Variants in TMEM181 observed in about 807,000 individuals in gnomAD.
TMEM181 encodes transmembrane protein 181.
In TMEM181, 39 loss-of-function variants were observed where a neutral mutation model predicts 71.9. The ratio of observed to expected loss-of-function variants is 0.54; its 90% CI spans 0.42 to 0.71. The LOEUF (loss-of-function observed/expected upper bound fraction) is 0.71, where lower values mean the gene tolerates loss of function less well. Among genes scored for constraint, TMEM181 ranks in the 30% least tolerant of loss-of-function variants. The probability of loss-of-function intolerance (pLI) is 0.00; values close to 1 mark genes in which losing one functional copy is unlikely to be tolerated. For synonymous variants in TMEM181, 245 were observed against 228.8 expected (o/e 1.07, Z -0.64); for missense variants, 595 against 583.0 (o/e 1.02, Z -0.21).
intron 5 of TMEM181, among the ~76,000 whole-genome samples, chr6:158,588,772 C>T (rs1254622133): frequency 3.9e-5 from 6 of 152,194 alleles, no homozygotes; most frequent in African/African-American, 1.4e-4. Flanking sequence ...TTTAAGCCTG[C>T]TGTGTAAAAC....
chr6:158,548,100 C>G lies in TMEM181; in HGVS notation c.131+11235C>G, dbSNP rs563002469. On this transcript the variant is annotated intron_variant, in intron 1 of 16. Coordinates refer to the TMEM181 transcript ENST00000367090. ...GCTGCTTGAGGGCCAGGTAACATCA[C>G]CTGGATGTGTAGGTCAGACTTTGGC... 5.9e-5 allele frequency among the ~76,000 whole-genome samples: 9 copies of G among 152,196 alleles called. No individual in the cohort carries two copies. The South Asian group carries it at 1.9e-3, about 32-fold the overall frequency.
chr6:158,612,563 T>C (rs1785393836), intron 10 of TMEM181, among the ~76,000 whole-genome samples: 1 of 152,258 alleles, frequency 6.6e-6, no homozygotes, highest in Admixed American at 6.5e-5. Context: ...TGACCCATGG[T>C]ATGCTTTTTG....
At chr6:158,585,782 T>C (rs529475257) in intron 5 of TMEM181, among the ~76,000 whole-genome samples, 1 of 152,310 alleles carries the variant, frequency 6.6e-6, no homozygotes, top group Admixed American at 6.5e-5. Context: ...ATGGGCTGCC[T>C]CCTCATACGA....
chr6:158,608,363 A>G lies in TMEM181; in HGVS notation c.704A>G (p.Asn235Ser). 1 of 1,614,186 alleles carries G rather than the reference A, an allele frequency of 6.2e-7. No individual in the cohort carries two copies. The change falls in exon 9 of 17, where the codon AAC becomes AGC. Residue 235 changes from asparagine to serine, a missense_variant. Transcript: ENST00000684151. Reference protein sequence around the residue: ...DPFFPLSFLVNSWLPGMLDDL... With the variant: ...DPFFPLSFLVSSWLPGMLDDL... ...TTCTTCCCCCTCTCCTTCCTGGTCA[A>G]CAGCTGGCTCCCAGGGATGCTGGAT... is the stretch of plus-strand genomic sequence containing the variant.
rs759470716 is a variant in TMEM181 at position 158,607,278 on chromosome 6, T to C, written c.608T>C (p.Met203Thr). Residue 203 changes from methionine to threonine, a missense_variant, in exon 8 of 17, where the codon ATG (methionine) becomes ACG (threonine). By Grantham distance (81) the Met-to-Thr change is moderately conservative (BLOSUM62 -1). Coordinates refer to ENST00000684151, the MANE Select transcript of TMEM181 (RefSeq NM_001376852.1). Reference sequence around the variant, plus strand: ...GCGCATTCCCTCCGGAAATTTTCCATGAGAGACTGGGGCATCGAGCAGAAG... The same window carrying C: ...GCGCATTCCCTCCGGAAATTTTCCACGAGAGACTGGGGCATCGAGCAGAAG... ...LFAHSLRKFSMRDWGIEQKWM... is the reference protein window; with the variant it reads ...LFAHSLRKFSTRDWGIEQKWM... The C allele has an allele frequency of 1.5e-5, 25 of 1,614,110 alleles. No individual in the cohort carries two copies. The East Asian group carries it at 1.8e-4, about 12-fold the overall frequency.
intron 8 of TMEM181, 53 bp from the exon 9 acceptor site, chr6:158,608,280 C>A: frequency 1.2e-6 from 2 of 1,610,358 alleles, no homozygotes; most frequent in Non-Finnish European, 1.7e-6. Flanking sequence ...GTGCTGTCTG[C>A]CAGGTGCTGG....
intron 3 of TMEM181, among the ~76,000 whole-genome samples, chr6:158,582,065 A>G (rs1375552392): frequency 6.6e-6 from 1 of 152,170 alleles, no homozygotes; most frequent in African/African-American, 2.4e-5. Context: ...AAAGAAGAAA[A>G]AGTACTAAAA....
intron 1 of TMEM181, among the ~76,000 whole-genome samples, chr6:158,570,884 T>A (rs1415576348): frequency 1.1e-4 from 16 of 151,928 alleles, no homozygotes; most frequent in Non-Finnish European, 2.4e-4. Context: ...TGTAGGAATC[T>A]TCCATTCTGC....
intron 2 of TMEM181, among the ~76,000 whole-genome samples, chr6:158,576,311 G>A (rs1285015075): frequency 6.6e-6 from 1 of 152,170 alleles, no homozygotes; most frequent in Non-Finnish European, 1.5e-5. Context: ...AAAGGACCCT[G>A]TCCTCCAGAT....
At chr6:158,625,623 A>G in intron 12 of TMEM181, 80 bp from the exon 13 acceptor site, 3 of 1,313,588 alleles carry the variant, frequency 2.3e-6, no homozygotes, top group Non-Finnish European at 3.2e-6. Flanking sequence ...GCTTTGCTTA[A>G]TTTTTGTTTT....
intron 1 of TMEM181, chr6:158,572,275 G>A: frequency 2.5e-6 from 1 of 392,398 alleles, no homozygotes; most frequent in South Asian, 1.9e-5. Context: ...TTTGGACCGT[G>A]AAGCCAGTAA....
intron 11 of TMEM181, among the ~76,000 whole-genome samples, chr6:158,624,261 C>T (rs1786139262): frequency 1.3e-5 from 2 of 152,350 alleles, no homozygotes; most frequent in South Asian, 2.1e-4. Context: ...AGAGCCTTCT[C>T]GGTGCTAAAC....
At chr6:158,564,393 G>A (rs966610891) in intron 1 of TMEM181, among the ~76,000 whole-genome samples, 3 of 152,152 alleles carry the variant, frequency 2.0e-5, no homozygotes, top group Non-Finnish European at 4.4e-5. Flanking sequence ...CTGTGAAATG[G>A]GCCGATGTGC....
At chr6:158,564,369 C>T (rs558925862) in intron 1 of TMEM181, among the ~76,000 whole-genome samples, 1 of 152,302 alleles carries the variant, frequency 6.6e-6, no homozygotes, top group East Asian at 1.9e-4. Context: ...TCACCCCAGC[C>T]TGTGTTTTCC....
chr6:158,557,329 G>A (rs7770117), upstream of TMEM181, among the ~76,000 whole-genome samples: 1,003 of 148,708 alleles, frequency 6.7e-3, 14 homozygotes, highest in African/African-American at 0.024. Flanking sequence ...CCGAGATTGC[G>A]CCACTGCATT....
chr6:158,593,644 G>T (rs952033757), intron 6 of TMEM181, among the ~76,000 whole-genome samples: 1 of 152,212 alleles, frequency 6.6e-6, no homozygotes, highest in Non-Finnish European at 1.5e-5. Flanking sequence ...AGAAATTAGA[G>T]AACTGTATGC....
chr6:158,549,338 A>G (rs997027825), intron 1 of TMEM181, among the ~76,000 whole-genome samples: 2 of 151,734 alleles, frequency 1.3e-5, no homozygotes, highest in African/African-American at 4.8e-5. Context: ...CTGGTCTCGA[A>G]CTCCTGACGT....
At chr6:158,546,368 T>C (rs4709208) in intron 1 of TMEM181, among the ~76,000 whole-genome samples, 143,594 of 152,304 alleles carry the variant, frequency 0.94, 67,808 homozygotes, top group East Asian at 1. Context: ...TATAAAGATA[T>C]GGCACTACAG....
chr6:158,536,738 G>C (rs1283689878), exon 1 of TMEM181: 1 of 1,576,754 alleles, frequency 6.3e-7, no homozygotes, highest in South Asian at 1.1e-5. Context: ...GCGCGGCATG[G>C]ACGCCGAGTA....
Sources: gnomAD v4.1 joint callset for allele counts (sites outside exome capture counted in the v4.1 genomes callset) on GRCh38, gnomAD v4.1.1 for gene constraint, MANE v1.5 for transcripts, NCBI Gene and HGNC (gene_info 2026-07-23, HGNC 2026-07-21) for gene names.